Variants in FOXL2 observed in about 807,000 individuals in gnomAD.
The protein encoded by FOXL2 is forkhead box L2.
FOXL2 carries 3 observed loss-of-function variants against 2.5 expected under a neutral mutation model. The ratio of observed to expected loss-of-function variants is 1.20; its 90% CI spans 0.55 to 3.11. The LOEUF is 3.11. Among genes scored for constraint, FOXL2 ranks in the 30% most tolerant of loss-of-function variants. The probability of loss-of-function intolerance (pLI) is 0.03; values close to 1 mark genes in which losing one functional copy is unlikely to be tolerated. For missense variants in FOXL2, 512 were observed against 570.0 expected, an observed-to-expected ratio of 0.90 and a Z score of 1.04; for synonymous variants, 315 against 269.4, an observed-to-expected ratio of 1.17 and a Z score of -1.66.
In FOXL2 at chr3:138,946,285, G is replaced by C. The variant is rs781285704; in HGVS notation, c.438C>G (p.Arg146=). The change falls in exon 1 of 1, where the codon CGC becomes CGG. Residue 146 remains arginine (R), a synonymous_variant. Coordinates refer to ENST00000648323, the MANE Select transcript of FOXL2 (RefSeq NM_023067.4). ...DMFEKGNYRR[R]RRMKRPFRPP... is the part of the protein sequence containing the mutation. ...GCCGGAAGGGCCTCTTCATGCGGCG[G>C]CGGCGCCGGTAGTTGCCCTTCTCGA... 14 of 1,610,420 alleles carry C rather than the reference G, an allele frequency of 8.7e-6. No individual in the cohort carries two copies. Among genetic ancestry groups the C allele is most frequent in the Non-Finnish European group, 9.3e-6 (11 of 1,178,750 alleles).
In FOXL2 at chr3:138,945,406, G is replaced by A; in HGVS notation, c.*186C>T. Reference sequence around the variant, plus strand: ...TGAGCACAGGAGGACATAAACTGAGGGGACAAAGAGGAGCGACAGGAGCTT... The same window carrying A: ...TGAGCACAGGAGGACATAAACTGAGAGGACAAAGAGGAGCGACAGGAGCTT... On this transcript the variant is annotated 3_prime_UTR_variant, in exon 1 of 1. Transcript: ENST00000648323. 1 of 1,019,654 alleles carries A rather than the reference G, an allele frequency of 9.8e-7. No individual in the cohort carries two copies. Among genetic ancestry groups the A allele is most frequent in the Non-Finnish European group, 1.4e-6 (1 of 724,672 alleles). 63.2% of individuals were successfully genotyped at this position (1,019,654 alleles called of 1,614,324 possible). A position where few individuals can be genotyped will look rare whatever the true frequency, so the allele number is the denominator to read the frequency against.
At position 138,946,700 on chromosome 3, in the gene FOXL2, G is replaced by T; in HGVS notation, c.23C>A (p.Pro8His). The T allele has an allele frequency of 3.8e-6, 6 of 1,584,956 alleles. No homozygotes were observed. Among genetic ancestry groups the T allele is most frequent in the South Asian group, 1.1e-5 (1 of 88,418 alleles). Residue 8 changes from proline to histidine, a missense_variant, in exon 1 of 1, where the codon CCC becomes CAC. Physicochemically the swap from Pro to His is moderately conservative, Grantham distance 77. Coordinates refer to ENST00000648323, the MANE Select transcript of FOXL2 (RefSeq NM_023067.4). The part of the protein sequence containing the change: MMASYPE[P>H]EDAAGALLAP... Reference sequence around the variant, plus strand: ...CAGCAGGGCCCCCGCCGCGTCCTCGGGCTCGGGGTAGCTGGCCATCATGAC... The same window carrying T: ...CAGCAGGGCCCCCGCCGCGTCCTCGTGCTCGGGGTAGCTGGCCATCATGAC...
In FOXL2 at chr3:138,945,657, T is replaced by A. The variant is rs1340809159; in HGVS notation, c.1066A>T (p.Met356Leu). ...ACARQPELAM[M>L]HCSYWDHDSK... ...TCGTGGTCCCAGTAAGAGCAATGCATCATGGCGAGCTCGGGCTGCCGGGCA... is the reference window on the plus strand; with the variant it reads ...TCGTGGTCCCAGTAAGAGCAATGCAACATGGCGAGCTCGGGCTGCCGGGCA... The change falls in exon 1 of 1, where the codon ATG (methionine) becomes TTG (leucine). Residue 356 changes from methionine to leucine, a missense_variant. By Grantham distance (15) the Met-to-Leu change is conservative (BLOSUM62 2). This residue lies in a region of FOXL2 where 66 missense variants were observed against 58.3 expected (regional missense o/e 1.13). Transcript: ENST00000648323. The A allele has an allele frequency of 2.5e-6, 4 of 1,595,374 alleles. No individual in the cohort carries two copies. The highest frequency in any genetic ancestry group is 2.7e-5 in the African/African-American group (2 of 74,378).
Position 138,946,502 on chromosome 3 carries a change from C to T in FOXL2, c.221G>A (p.Arg74Lys), listed in dbSNP as rs1935976079. Residue 74 changes from arginine to lysine, a missense_variant, in exon 1 of 1, where the codon AGG becomes AAG. Coordinates refer to ENST00000648323, the MANE Select transcript of FOXL2 (RefSeq NM_023067.4). ...CTGGTAGATGCCGGACAGCGTGAGCCTCTTCTCCGCGCTCTCGCGGATCGC... is the reference window on the plus strand; with the variant it reads ...CTGGTAGATGCCGGACAGCGTGAGCTTCTTCTCCGCGCTCTCGCGGATCGC... ...AMAIRESAEK[R>K]LTLSGIYQYI... 6.2e-7 allele frequency: 1 copy of T among 1,613,922 alleles called. No individual in the cohort carries two copies. The highest frequency in any genetic ancestry group is 1.3e-5 in the African/African-American group (1 of 74,954).
In FOXL2 at chr3:138,946,993, C is replaced by T; in HGVS notation, c.-271G>A. On this transcript the variant is annotated 5_prime_UTR_variant, in exon 1 of 1. Coordinates refer to ENST00000648323, the MANE Select transcript of FOXL2 (RefSeq NM_023067.4). ...GGGCTCCGGCCTCGCCGCCCCTCCC[C>T]GCTCAGGCCAGTCCCCGCCTTGGTG... The T allele has an allele frequency of 1.8e-6, 1 of 559,634 alleles. No homozygotes were observed. The highest frequency in any genetic ancestry group is 3.2e-6 in the Non-Finnish European group (1 of 317,108). The allele number at this position is 559,634 out of a possible 1,614,324, so 34.7% of individuals were successfully genotyped here. A position where few individuals can be genotyped will look rare whatever the true frequency, so the allele number is the denominator to read the frequency against.
In FOXL2 at chr3:138,945,352, G is replaced by A. The variant is rs921281354; in HGVS notation, c.*240C>T. ...CGCAGAGAGGCAGCTTCAGGCCAGG[G>A]GAGTGCAAGGTCACAGAGGTCAGGG... On this transcript the variant is annotated 3_prime_UTR_variant, in exon 1 of 1. Coordinates refer to ENST00000648323, the MANE Select transcript of FOXL2 (RefSeq NM_023067.4). 5.9e-5 allele frequency: 29 copies of A among 487,806 alleles called. No homozygotes were observed. The highest frequency in any genetic ancestry group is 9.2e-5 in the Non-Finnish European group (27 of 294,344). The allele number at this position is 487,806 out of a possible 1,614,324, so 30.2% of individuals were successfully genotyped here. A position where few individuals can be genotyped will look rare whatever the true frequency, so the allele number is the denominator to read the frequency against.
In FOXL2 at chr3:138,945,590, T is replaced by C. The variant is rs753238372; in HGVS notation, c.*2A>G. Reference sequence around the variant, plus strand: ...CCGTCTGCACCGGCATGCGGTGGGCTCTCAGAGATCGAGGCGCGAATGCAG... The same window carrying C: ...CCGTCTGCACCGGCATGCGGTGGGCCCTCAGAGATCGAGGCGCGAATGCAG... On this transcript the variant is annotated 3_prime_UTR_variant, in exon 1 of 1. Coordinates refer to ENST00000648323, the MANE Select transcript of FOXL2 (RefSeq NM_023067.4). 1 of 1,608,410 alleles carries C rather than the reference T, an allele frequency of 6.2e-7. No homozygotes were observed. The highest frequency in any genetic ancestry group is 1.1e-5 in the South Asian group (1 of 90,960).
chr3:138,945,301 G>C lies in FOXL2; in HGVS notation c.*291C>G, dbSNP rs2107742672. On this transcript the variant is annotated 3_prime_UTR_variant, in exon 1 of 1. Coordinates refer to ENST00000648323, the MANE Select transcript of FOXL2 (RefSeq NM_023067.4). ...TTGGGCAGGAGACGCTGGGGCTCCG[G>C]AAAGAGACGAGCCCAGTAGAAAGCG... 3.3e-6 allele frequency: 1 copy of C among 298,820 alleles called. No individual in the cohort carries two copies. The highest frequency in any genetic ancestry group is 5.1e-5 in the East Asian group (1 of 19,620). The allele number at this position is 298,820 out of a possible 1,614,324, so 18.5% of individuals were successfully genotyped here.
At position 138,946,434 on chromosome 3, in the gene FOXL2, C is replaced by T. The variant is rs1289279823; in HGVS notation, c.289G>A (p.Gly97Ser). The change falls in exon 1 of 1, where the codon GGC becomes AGC. Residue 97 changes from glycine (G) to serine (S), a missense_variant. Gly to Ser is a moderately conservative substitution (Grantham distance 56). Around this residue, in one of 5 missense-constraint regions of FOXL2, gnomAD observed 63 missense variants for 138.9 expected, o/e 0.45. Transcript: ENST00000648323. ...KFPFYEKNKK[G>S]WQNSIRHNLS... ...TTGTGGCGGATGCTATTTTGCCAGCCCTTCTTATTCTTCTCGTAGAACGGG... is the reference window on the plus strand; with the variant it reads ...TTGTGGCGGATGCTATTTTGCCAGCTCTTCTTATTCTTCTCGTAGAACGGG... 6.2e-7 allele frequency: 1 copy of T among 1,614,184 alleles called. No homozygotes were observed. The highest frequency in any genetic ancestry group is 8.5e-7 in the Non-Finnish European group (1 of 1,180,012).
In FOXL2 at chr3:138,945,064, G is replaced by A. The variant is rs925392535; in HGVS notation, c.*528C>T. The A allele has an allele frequency of 2.6e-5, 6 of 233,250 alleles. No individual in the cohort carries two copies. The highest frequency in any genetic ancestry group is 1.8e-4 in the South Asian group (1 of 5,544). The allele number at this position is 233,250 out of a possible 1,614,324, so 14.4% of individuals were successfully genotyped here. A position where few individuals can be genotyped will look rare whatever the true frequency, so the allele number is the denominator to read the frequency against. ...AAGCGGCTTCTGAACAGCTTCAAGA[G>A]GGTTCGCGGAGCAAACACACGTATT... On this transcript the variant is annotated 3_prime_UTR_variant, in exon 1 of 1. Coordinates refer to ENST00000648323, the MANE Select transcript of FOXL2 (RefSeq NM_023067.4).
In FOXL2 at chr3:138,947,034, G is replaced by A. The variant is rs1935996005; in HGVS notation, c.-312C>T. On this transcript the variant is annotated 5_prime_UTR_variant, in exon 1 of 1. Transcript: ENST00000648323. This position sits in a 1 kb window ranked among gnomAD's most constrained non-coding sequence, Gnocchi z 5.2. ...CGCCTTGGTGGGTTTTCTTTTCTGCGCTCTTCCCCTCCCCCCGCCCCCCGG... is the reference window on the plus strand; with the variant it reads ...CGCCTTGGTGGGTTTTCTTTTCTGCACTCTTCCCCTCCCCCCGCCCCCCGG... 2 of 509,186 alleles carry A rather than the reference G, an allele frequency of 3.9e-6. No homozygotes were observed. Among genetic ancestry groups the A allele is most frequent in the Non-Finnish European group, 3.5e-6 (1 of 288,858 alleles). The allele number at this position is 509,186 out of a possible 1,614,324, so 31.5% of individuals were successfully genotyped here. A position where few individuals can be genotyped will look rare whatever the true frequency, so the allele number is the denominator to read the frequency against.
At position 138,946,840 on chromosome 3, in the gene FOXL2, C is replaced by G. The variant is rs1482124560; in HGVS notation, c.-118G>C. ...CCAAGTCTCAAACTTCTGGAGACTG[C>G]GGATGCCGCCCGCGCTTGCTTGCTG... On this transcript the variant is annotated 5_prime_UTR_variant, in exon 1 of 1. Transcript: ENST00000648323. 1 of 1,401,818 alleles carries G rather than the reference C, an allele frequency of 7.1e-7. No homozygotes were observed. The highest frequency in any genetic ancestry group is 1.5e-5 in the African/African-American group (1 of 67,988). The allele number at this position is 1,401,818 out of a possible 1,614,324, so 86.8% of individuals were successfully genotyped here.
At position 138,946,941 on chromosome 3, in the gene FOXL2, G is replaced by A. The variant is rs1935992690; in HGVS notation, c.-219C>T. 2 of 668,706 alleles carry A rather than the reference G, an allele frequency of 3.0e-6. No homozygotes were observed. 41.4% of individuals were successfully genotyped at this position (668,706 alleles called of 1,614,324 possible). ...CGGCGGGAGTGGAGCTCAGCCTCTG[G>A]CCATGGGGAGTCCGCCCAACAGAGA... On this transcript the variant is annotated 5_prime_UTR_variant, in exon 1 of 1. Transcript: ENST00000648323.
Position 138,945,763 on chromosome 3 carries a change from G to A in FOXL2, c.960C>T (p.Gly320=). 3.4e-6 allele frequency: 4 copies of A among 1,173,888 alleles called. No homozygotes were observed. The highest frequency in any genetic ancestry group is 4.2e-6 in the Non-Finnish European group (4 of 948,344). The allele number at this position is 1,173,888 out of a possible 1,614,324, so 72.7% of individuals were successfully genotyped here. The change falls in exon 1 of 1, where the codon GGC becomes GGT. Residue 320 remains glycine, a synonymous_variant. Transcript: ENST00000648323. Reference sequence around the variant, plus strand: ...TGGCTGGGCTGGCAGGGCTGAGCTGGCCCGGCGGCGGCGCGGCGGCCCCGT... The same window carrying A: ...TGGCTGGGCTGGCAGGGCTGAGCTGACCCGGCGGCGGCGCGGCGGCCCCGT... ...PHHGAAAPPP[G]QLSPASPATA... is the part of the protein sequence containing the mutation.
rs201782101 is a variant in FOXL2 at position 138,944,801 on chromosome 3, AT to A, written c.*790del. 3 of 229,918 alleles carry A rather than the reference AT, an allele frequency of 1.3e-5. No homozygotes were observed. Among genetic ancestry groups the A allele is most frequent in the East Asian group, 6.1e-5 (1 of 16,460 alleles). 14.2% of individuals were successfully genotyped at this position (229,918 alleles called of 1,614,324 possible). A position where few individuals can be genotyped will look rare whatever the true frequency, so the allele number is the denominator to read the frequency against. ...CAATACTTCCCCGGTTGCCCGGTGA[AT>A]TTTTTTTCCTTTTTTTTTTTTTAAA... On this transcript the variant is annotated 3_prime_UTR_variant, in exon 1 of 1. Transcript: ENST00000648323.
Position 138,946,194 on chromosome 3 carries a change from C to A in FOXL2, c.529G>T (p.Gly177Cys), listed in dbSNP as rs1935965224. The A allele has an allele frequency of 4.7e-6, 7 of 1,493,978 alleles. No individual in the cohort carries two copies. The highest frequency in any genetic ancestry group is 6.2e-6 in the Non-Finnish European group (7 of 1,128,118). 92.5% of individuals were successfully genotyped at this position (1,493,978 alleles called of 1,614,324 possible). ...CCGTCGGCCCCGGCGCCCGCCACGC[C>A]GCACCCGCCTGCGGCGCCTCCGGCC... ...FGAGGAAGGCGVAGAGADGYG... is the reference protein window; with the variant it reads ...FGAGGAAGGCCVAGAGADGYG... The change falls in exon 1 of 1, where the codon GGC becomes TGC. Residue 177 changes from glycine (G) to cysteine (C), a missense_variant. By Grantham distance (159) the Gly-to-Cys change is radical. This residue lies in a region of FOXL2 where 287 missense variants were observed against 277.4 expected (regional missense o/e 1.03). Coordinates refer to ENST00000648323, the MANE Select transcript of FOXL2 (RefSeq NM_023067.4).
rs1559922657 is a variant in FOXL2, at chr3:138,946,563, T to C, written c.160A>G (p.Lys54Glu). The change falls in exon 1 of 1, where the codon AAG becomes GAG. Residue 54 changes from lysine to glutamate, a missense_variant. By Grantham distance (56) the Lys-to-Glu change is moderately conservative. This residue lies in a region of FOXL2 where 92 missense variants were observed against 77.8 expected (regional missense o/e 1.18). Transcript: ENST00000648323. ...AGCGCCACGTACGAGTACGGGGGCT[T>C]CTGCGCCGGGTCCGGCTTCTCCGGG... The part of the protein sequence containing the change: ...TAPEKPDPAQ[K>E]PPYSYVALIA... 1 of 1,611,066 alleles carries C rather than the reference T, an allele frequency of 6.2e-7. No individual in the cohort carries two copies. Among genetic ancestry groups the C allele is most frequent in the Non-Finnish European group, 8.5e-7 (1 of 1,179,858 alleles).
rs1470182420 is a variant in FOXL2 at position 138,947,047 on chromosome 3, C to G, written c.-325G>C. 2 of 291,290 alleles carry G rather than the reference C, an allele frequency of 6.9e-6. No individual in the cohort carries two copies. The highest frequency in any genetic ancestry group is 4.9e-5 in the African/African-American group (2 of 40,990). The allele number at this position is 291,290 out of a possible 1,614,324, so 18.0% of individuals were successfully genotyped here. On this transcript the variant is annotated 5_prime_UTR_variant, in exon 1 of 1. Coordinates refer to ENST00000648323, the MANE Select transcript of FOXL2 (RefSeq NM_023067.4). This position sits in a 1 kb window ranked among gnomAD's most constrained non-coding sequence, Gnocchi z 5.2. The stretch of plus-strand genomic sequence containing the variant: ...TTTCTTTTCTGCGCTCTTCCCCTCC[C>G]CCCGCCCCCCGGTTTCCCGAAGCAC...
rs556654191 is a variant in FOXL2 at position 138,946,842 on chromosome 3, G to C, written c.-120C>G. On this transcript the variant is annotated 5_prime_UTR_variant, in exon 1 of 1. In the 5' UTR this introduces an upstream ATG that the reference lacks. Transcript: ENST00000648323. ...AAGTCTCAAACTTCTGGAGACTGCGGATGCCGCCCGCGCTTGCTTGCTGGA... is the reference window on the plus strand; with the variant it reads ...AAGTCTCAAACTTCTGGAGACTGCGCATGCCGCCCGCGCTTGCTTGCTGGA... The C allele has an allele frequency of 7.1e-7, 1 of 1,402,336 alleles. No individual in the cohort carries two copies. The highest frequency in any genetic ancestry group is 9.6e-7 in the Non-Finnish European group (1 of 1,041,190). 86.9% of individuals were successfully genotyped at this position (1,402,336 alleles called of 1,614,324 possible).
Sources: allele counts gnomAD v4.1 joint callset, GRCh38; gene constraint gnomAD v4.1.1; regional missense constraint gnomAD v4.1.1; non-coding constraint Gnocchi (gnomAD v3.1); transcripts MANE v1.5; gene names NCBI Gene and HGNC (gene_info 2026-07-23, HGNC 2026-07-21).